Variants in N4BP2L2 observed in about 807,000 individuals in gnomAD.
N4BP2L2 encodes the protein NEDD4 binding protein 2 like 2.
Under a neutral mutation model 56.2 loss-of-function variants are expected in N4BP2L2, and 50 were observed. That is an observed-to-expected ratio of 0.89 (90% CI 0.71 to 1.13). N4BP2L2 has a LOEUF of 1.13. Ranked by LOEUF, N4BP2L2 falls within the 50% of genes most tolerant of loss-of-function variation. The pLI is 0.00. For synonymous variants in N4BP2L2, 203 were observed against 223.6 expected (o/e 0.91, Z 0.82); for missense variants, 689 against 693.8 (o/e 0.99, Z 0.08).
At chr13:32,505,805 G>C (rs1041163834), downstream of N4BP2L2, 1 of 151,866 alleles carries the variant, frequency 6.6e-6, no homozygotes, top group African/African-American at 2.4e-5. Context: ...CCTCTAAGAT[G>C]ACAGAAGCTT....
intron 6 of N4BP2L2, among the ~76,000 whole-genome samples, chr13:32,476,120 G>A (rs2083278262): frequency 6.6e-6 from 1 of 152,176 alleles, no homozygotes; most frequent in Admixed American, 6.5e-5. Flanking sequence ...GCACTGATGA[G>A]CTTCTGAAAA....
chr13:32,497,995 C>G (rs1307906553), intron 6 of N4BP2L2, among the ~76,000 whole-genome samples: 1 of 151,550 alleles, frequency 6.6e-6, no homozygotes, highest in African/African-American at 2.4e-5. Context: ...AATTTTTTTT[C>G]CTTTTTCTTT....
chr13:32,478,794 A>G (rs2083918207), intron 6 of N4BP2L2: 1 of 152,232 alleles, frequency 6.6e-6, no homozygotes, highest in East Asian at 1.9e-4. Flanking sequence ...CAAAAAAGCG[A>G]GTACAACTGT....
At chr13:32,461,831 G>A (rs2080140263) in intron 6 of N4BP2L2, among the ~76,000 whole-genome samples, 1 of 152,110 alleles carries the variant, frequency 6.6e-6, no homozygotes, top group Admixed American at 6.6e-5. Flanking sequence ...TGAACTCCTG[G>A]GCTCAAGCAA....
intron 6 of N4BP2L2, among the ~76,000 whole-genome samples, chr13:32,473,183 GAGGC>G (rs2082641346): frequency 6.6e-6 from 1 of 151,640 alleles, no homozygotes; most frequent in South Asian, 2.1e-4. Context: ...TCAGAAGGCT[GAGGC>G]AGGAGAATCA....
Position 32,469,318 on chromosome 13 carries a change from G to T in N4BP2L2, c.366-25192C>A, listed in dbSNP as rs1232169512. ...ATGGGCTCCAGTGGAGACATGGGTG[G>T]CAGTGGACAGGTCCCCTGTGAGTGT... On this transcript the variant is annotated intron_variant, in intron 6 of 9. Coordinates refer to the N4BP2L2 transcript ENST00000357505. Among the ~76,000 whole-genome samples, 5 of 152,218 alleles carry T rather than the reference G, an allele frequency of 3.3e-5. No homozygotes were observed. The East Asian group carries it at 9.6e-4, about 29-fold the overall frequency.
intron 6 of N4BP2L2, among the ~76,000 whole-genome samples, chr13:32,484,107 G>T (rs937222715): frequency 1.1e-4 from 16 of 152,068 alleles, no homozygotes; most frequent in African/African-American, 2.7e-4. Context: ...CCAAGAGTTT[G>T]AGTCCAAGAG....
intron 2 of N4BP2L2, among the ~76,000 whole-genome samples, chr13:32,530,976 G>C (rs975323781): frequency 6.6e-6 from 1 of 151,838 alleles, no homozygotes; most frequent in Admixed American, 6.6e-5. Context: ...GCTGTCTTGT[G>C]AATGGACAGA....
intron 6 of N4BP2L2, among the ~76,000 whole-genome samples, chr13:32,491,873 G>A (rs1425762595): frequency 1.3e-5 from 2 of 151,862 alleles, no homozygotes; most frequent in Non-Finnish European, 2.9e-5. Context: ...TTCCTGATCT[G>A]CCCGCTTCGG....
chr13:32,490,077 C>G (rs763891261), intron 6 of N4BP2L2: 3 of 152,130 alleles, frequency 2.0e-5, no homozygotes, highest in Non-Finnish European at 4.4e-5. Context: ...CCCTCCCCTA[C>G]ACACATAATC....
chr13:32,535,790 G>C, exon 2 of N4BP2L2: 3 of 1,613,646 alleles, frequency 1.9e-6, no homozygotes, highest in Non-Finnish European at 2.5e-6. Context: ...TGTTTTCCCA[G>C]AACCAGGCAG....
exon 8 of N4BP2L2, chr13:32,438,697 C>G: frequency 6.2e-7 from 1 of 1,611,096 alleles, no homozygotes. Flanking sequence ...TTAGTGTCTT[C>G]CAGTCAAGGG....
chr13:32,449,411 T>G (rs1253814318), intron 6 of N4BP2L2, among the ~76,000 whole-genome samples: 1 of 152,232 alleles, frequency 6.6e-6, no homozygotes, highest in Non-Finnish European at 1.5e-5. Flanking sequence ...CCAATTTATA[T>G]CAACAGAAAC....
chr13:32,481,118 C>CAA (rs60854435), intron 6 of N4BP2L2, among the ~76,000 whole-genome samples: 8,240 of 20,658 alleles, frequency 0.4, 3,015 homozygotes, highest in Middle Eastern at 0.57. Flanking sequence ...GACTCTGTCT[C>CAA]AAAAAAAAAA....
At chr13:32,512,525 G>C (rs1050025527) in exon 6 of N4BP2L2, 1 of 152,078 alleles carries the variant, frequency 6.6e-6, no homozygotes, top group Non-Finnish European at 1.5e-5. Context: ...AATGTAACAG[G>C]GTTATTTTTC....
At chr13:32,494,280 C>A (rs1003802840) in intron 6 of N4BP2L2, among the ~76,000 whole-genome samples, 1 of 151,538 alleles carries the variant, frequency 6.6e-6, no homozygotes, top group African/African-American at 2.4e-5. Context: ...GAGACTCGGT[C>A]TAAAAAATTA....
chr13:32,448,235 T>C (rs1012512554), intron 6 of N4BP2L2, among the ~76,000 whole-genome samples: 2 of 152,108 alleles, frequency 1.3e-5, no homozygotes, highest in Non-Finnish European at 2.9e-5. Context: ...AACTTCTGCT[T>C]GAATGTGGCT....
intron 5 of N4BP2L2, 53 bp from the exon 6 acceptor site, chr13:32,518,056 G>T: frequency 6.6e-7 from 1 of 1,509,080 alleles, no homozygotes. Flanking sequence ...TACAGGCTTA[G>T]AGATTAACTG....
chr13:32,517,959 A>G (rs755953499), exon 6 of N4BP2L2: 1 of 1,613,986 alleles, frequency 6.2e-7, no homozygotes, highest in South Asian at 1.1e-5. Context: ...ATAACGATCC[A>G]ACATCTGAGC....
Sources: allele counts gnomAD v4.1 joint callset (sites outside exome capture counted in the v4.1 genomes callset), GRCh38; gene constraint gnomAD v4.1.1; transcripts MANE v1.5; gene names NCBI Gene and HGNC (gene_info 2026-07-23, HGNC 2026-07-21).